Variants in PFKM observed in about 807,000 individuals in gnomAD.
The protein encoded by PFKM is phosphofructokinase, muscle.
PFKM carries 58 observed loss-of-function variants against 95.5 expected under a neutral mutation model. The ratio of observed to expected loss-of-function variants is 0.61; its 90% CI spans 0.49 to 0.76. The LOEUF (loss-of-function observed/expected upper bound fraction) is 0.76. Among genes scored for constraint, PFKM ranks in the 30% least tolerant of loss-of-function variants. PFKM has a pLI of 0.00. For synonymous variants in PFKM, 336 were observed against 357.2 expected (o/e 0.94, Z 0.67); for missense variants, 678 against 1,005.4 (o/e 0.67, Z 4.40).
intron 3 of PFKM, 58 bp downstream of exon 3, chr12:48,130,494 T>C: frequency 7.9e-7 from 1 of 1,262,318 alleles, no homozygotes; most frequent in South Asian, 1.2e-5. Flanking sequence ...AAATCTGCCT[T>C]CTATCCCCTT....
chr12:48,108,234 A>T, intron 3 of PFKM: 1 of 1,579,804 alleles, frequency 6.3e-7, no homozygotes. Flanking sequence ...GTTCAAAGGA[A>T]TATGGGAAAG....
chr12:48,143,238 T>C (rs1167053438), intron 18 of PFKM, among the ~76,000 whole-genome samples: 1 of 152,228 alleles, frequency 6.6e-6, no homozygotes, highest in Non-Finnish European at 1.5e-5. Context: ...ACTATCTCCA[T>C]ATAACATAGA....
chr12:48,142,516 G>GTTTTTTTTTTTTTTT, intron 17 of PFKM: 1 of 423,102 alleles, frequency 2.4e-6, no homozygotes, highest in Non-Finnish European at 4.2e-6. Context: ...TGTTTTGTTT[G>GTTTTTTTTTTTTTTT]TTTTTTTTTT....
chr12:48,142,341 T>C, intron 17 of PFKM: 2 of 463,164 alleles, frequency 4.3e-6, no homozygotes, highest in South Asian at 2.1e-5. Flanking sequence ...GGTGTGGTGG[T>C]AGGCGCCTGT....
intron 2 of PFKM, 57 bp downstream of exon 2, chr12:48,122,916 C>T (rs1266028386): frequency 4.7e-6 from 7 of 1,495,164 alleles, no homozygotes; most frequent in Non-Finnish European, 6.5e-6. Context: ...TTACTGACTC[C>T]CTTAGCCTAT....
chr12:48,143,085 A>G (rs1950716329), intron 18 of PFKM, 139 bp downstream of exon 18: 1 of 811,188 alleles, frequency 1.2e-6, no homozygotes, highest in Non-Finnish European at 2.1e-6. Flanking sequence ...AAAGAGCACT[A>G]TGCAGGCATT....
chr12:48,105,784 G>A (rs772884525), upstream of PFKM: 4 of 581,424 alleles, frequency 6.9e-6, no homozygotes, highest in Admixed American at 3.0e-5. Context: ...CGGCCCAGGA[G>A]AGAGAGACCA....
rs1333162201 is a variant in PFKM at position 48,140,795 on chromosome 12, C to G, written c.1265C>G (p.Thr422Ser). 1.2e-6 allele frequency: 2 copies of G among 1,614,108 alleles called. No individual in the cohort carries two copies. The highest frequency in any genetic ancestry group is 4.5e-5 in the East Asian group (2 of 44,894). Residue 422 changes from threonine (T) to serine (S), a missense_variant, in exon 14 of 23, where the codon ACT (threonine) becomes AGT (serine). Thr to Ser is a moderately conservative substitution (Grantham distance 58, BLOSUM62 1). Transcript: ENST00000359794. ...AAGMNAAVRSTVRIGLIQGNR... is the reference protein window; with the variant it reads ...AAGMNAAVRSSVRIGLIQGNR... ...GGCATGAATGCTGCTGTTCGCTCCA[C>G]TGTGAGGATTGGCCTTATCCAGGGC...
chr12:48,138,303 T>C (rs1035108048), intron 11 of PFKM, among the ~76,000 whole-genome samples: 6 of 152,160 alleles, frequency 3.9e-5, no homozygotes, highest in Non-Finnish European at 8.8e-5. Context: ...ATTGTAAGGA[T>C]TGGAGATAAG....
intron 15 of PFKM, 110 bp downstream of exon 15, chr12:48,141,491 C>A: frequency 1.1e-6 from 1 of 951,666 alleles, no homozygotes; most frequent in Non-Finnish European, 1.7e-6. Context: ...CTGGGTCCTC[C>A]ACCCTCAACC....
In PFKM at chr12:48,143,817, A is replaced by T; in HGVS notation, c.1880+3A>T. ...GTGAAAAGGGGCTTGGTGTTAAGGT[A>T]CCTCATCCATGGTTTGTTCCTAAAT... is the stretch of plus-strand genomic sequence containing the variant. On this transcript the variant is annotated splice_donor_region_variant and intron_variant, in intron 19 of 22. Coordinates refer to ENST00000359794, the MANE Select transcript of PFKM (RefSeq NM_000289.6). 1 of 1,606,790 alleles carries T rather than the reference A, an allele frequency of 6.2e-7. No homozygotes were observed. The highest frequency in any genetic ancestry group is 8.5e-7 in the Non-Finnish European group (1 of 1,173,194).
Position 48,145,572 on chromosome 12 carries a change from T to C in PFKM, c.2207T>C (p.Ile736Thr), listed in dbSNP as rs1565917796. The C allele has an allele frequency of 6.2e-7, 1 of 1,614,110 alleles. No individual in the cohort carries two copies. Among genetic ancestry groups the C allele is most frequent in the Admixed American group, 1.7e-5 (1 of 60,024 alleles). The change falls in exon 23 of 23, where the codon ATC (isoleucine) becomes ACC (threonine). Residue 736 changes from isoleucine (I) to threonine (T), a missense_variant. Coordinates refer to ENST00000359794, the MANE Select transcript of PFKM (RefSeq NM_000289.6). The surrounding 1 kb of genome is among the most constrained non-coding windows in gnomAD (Gnocchi z 4.3). Reference protein sequence around the residue: ...LKDQTDFEHRIPKEQWWLKLR... With the variant: ...LKDQTDFEHRTPKEQWWLKLR... ...ACCTCATTCCTCTGTAGGCATCGAA[T>C]CCCCAAGGAACAGTGGTGGCTGAAA...
Position 48,134,798 on chromosome 12 carries a change from G to A in PFKM, c.716G>A (p.Trp239Ter), listed in dbSNP as rs1949907026. ...CCTGAATGTCCACCAGATGACGACTGGGAGGAACACCTTTGTCGCCGACTC... is the reference window on the plus strand; with the variant it reads ...CCTGAATGTCCACCAGATGACGACTAGGAGGAACACCTTTGTCGCCGACTC... ...FIPECPPDDD[W>*]EEHLCRRLSE... is the part of the protein sequence containing the mutation. Residue 239 changes from tryptophan to a stop codon, truncating the protein, a stop_gained, in exon 8 of 23, where the codon TGG (tryptophan) becomes TAG (stop). Transcript: ENST00000359794. LOFTEE classifies it high-confidence loss of function. 1 of 1,613,850 alleles carries A rather than the reference G, an allele frequency of 6.2e-7. No homozygotes were observed. Among genetic ancestry groups the A allele is most frequent in the Admixed American group, 1.7e-5 (1 of 60,002 alleles).
chr12:48,135,221 C>G, intron 9 of PFKM, 70 bp from the exon 10 acceptor site: 1 of 1,370,278 alleles, frequency 7.3e-7, no homozygotes, highest in Non-Finnish European at 1.0e-6. Flanking sequence ...ATGGTTTACC[C>G]AAGTCTCTGC....
At chr12:48,108,217 G>A (rs1176861682) in intron 3 of PFKM, 1 of 1,592,206 alleles carries the variant, frequency 6.3e-7, no homozygotes, top group Non-Finnish European at 8.5e-7. Context: ...GGTCAACAGT[G>A]AGAAATGTTC....
At chr12:48,143,706 C>A in intron 18 of PFKM, 47 bp from the exon 19 acceptor site, 2 of 1,371,900 alleles carry the variant, frequency 1.5e-6, no homozygotes, top group South Asian at 1.2e-5. Flanking sequence ...TTATACCCAA[C>A]CTTATCCATT....
intron 13 of PFKM, 78 bp downstream of exon 13, chr12:48,139,990 C>A: frequency 1.1e-6 from 1 of 942,000 alleles, no homozygotes; most frequent in South Asian, 1.3e-5. Context: ...TACCACAGTC[C>A]ATACAACATA....
rs534563976 is a variant in PFKM, at chr12:48,145,779, TCA to T, written c.*72_*73del. 8,956 of 1,512,964 alleles carry T rather than the reference TCA, an allele frequency of 5.9e-3. 41 individuals are homozygous for T. Among genetic ancestry groups the T allele is most frequent in the Non-Finnish European group, 7.2e-3 (7,786 of 1,088,510 alleles). The allele number at this position is 1,512,964 out of a possible 1,614,324, so 93.7% of individuals were successfully genotyped here. On this transcript the variant is annotated 3_prime_UTR_variant, in exon 23 of 23. Coordinates refer to ENST00000359794, the MANE Select transcript of PFKM (RefSeq NM_000289.6). The surrounding 1 kb of genome is among the most constrained non-coding windows in gnomAD (Gnocchi z 4.3). ...CACACCCTAATAAGTCCACATCTTC[TCA>T]GTGTTTTAGCTGTTTTTTTCATTAG...
intron 3 of PFKM, among the ~76,000 whole-genome samples, chr12:48,109,741 T>A (rs1947022441): frequency 6.6e-6 from 1 of 152,170 alleles, no homozygotes; most frequent in Non-Finnish European, 1.5e-5. Flanking sequence ...TCAGCTTTCC[T>A]ACTAGAGAAA....
Sources: allele counts gnomAD v4.1 joint callset (sites outside exome capture counted in the v4.1 genomes callset), GRCh38; gene constraint gnomAD v4.1.1; non-coding constraint Gnocchi (gnomAD v3.1); transcripts MANE v1.5; gene names NCBI Gene and HGNC (gene_info 2026-07-23, HGNC 2026-07-21).